The following LGALS9 variants were observed in gnomAD, a reference collection of about 807,000 sequenced individuals.
LGALS9 encodes the protein galectin-9.
LGALS9 carries 26 observed loss-of-function variants against 35.9 expected under a neutral mutation model. That is an observed-to-expected ratio of 0.72 (90% confidence interval 0.53 to 1.01). LGALS9 has a LOEUF of 1.01. Ranked by LOEUF, LGALS9 falls within the 50% of genes least tolerant of loss-of-function variation. LGALS9 has a pLI of 0.00. For synonymous variants in LGALS9, 149 were observed against 172.2 expected (o/e 0.87, Z 1.06); for missense variants, 347 against 445.8 (o/e 0.78, Z 1.99).
At chr17:27,641,113 T>C in intron 3 of LGALS9, 1 of 475,948 alleles carries the variant, frequency 2.1e-6, no homozygotes, top group Non-Finnish European at 4.1e-6. Flanking sequence ...ACATTTATTT[T>C]TCAGCGACAT....
intron 6 of LGALS9, chr17:27,645,615 G>A (rs552760930): frequency 2.2e-5 from 13 of 602,862 alleles, no homozygotes; most frequent in South Asian, 8.3e-5. Context: ...GCTGAGAGAC[G>A]TTTCCCCGAG....
Position 27,631,383 on chromosome 17 carries a change from G to A in LGALS9, c.39+79G>A, listed in dbSNP as rs572675603. On this transcript the variant is annotated intron_variant, in intron 1 of 10. Transcript: ENST00000395473. ...TGGGGCTCTGAGGAAGCAACTCCTG[G>A]GTGGCAGGGGATGGGGGTGGGGGCA... The A allele has an allele frequency of 1.5e-5, 24 of 1,595,294 alleles. 1 individual carries two copies. The highest frequency in any genetic ancestry group is 1.1e-4 in the South Asian group (10 of 90,368).
intron 1 of LGALS9, among the ~76,000 whole-genome samples, chr17:27,631,828 C>T (rs150844209): frequency 0.011 from 1,741 of 151,974 alleles, 18 homozygotes; most frequent in Non-Finnish European, 0.02. Context: ...TTGAACAGTG[C>T]CTGACACACT....
chr17:27,647,819 C>T (rs1292033191), intron 10 of LGALS9, among the ~76,000 whole-genome samples: 1 of 152,232 alleles, frequency 6.6e-6, no homozygotes. Flanking sequence ...CAGACAGGGT[C>T]CTGCCTCCAG....
chr17:27,646,904 T>C lies in LGALS9; in HGVS notation c.670-126T>C, dbSNP rs960888691. 5.6e-6 allele frequency: 8 copies of C among 1,432,892 alleles called. No homozygotes were observed. In the African/African-American group the frequency reaches 9.9e-5, roughly 18 times the overall value. The allele number at this position is 1,432,892 out of a possible 1,614,324, so 88.8% of individuals were successfully genotyped here. A position where few individuals can be genotyped will look rare whatever the true frequency, so the allele number is the denominator to read the frequency against. On this transcript the variant is annotated intron_variant, in intron 8 of 10. Transcript: ENST00000395473. ...TTTGAGGAGCACTGGAAAGTTTTCCTTTGGCTTTTATGGAACCAAGTAAAG... is the reference window on the plus strand; with the variant it reads ...TTTGAGGAGCACTGGAAAGTTTTCCCTTGGCTTTTATGGAACCAAGTAAAG...
intron 3 of LGALS9, chr17:27,641,065 C>T (rs1202276659): frequency 4.9e-6 from 3 of 615,810 alleles, no homozygotes; most frequent in African/African-American, 3.6e-5. Context: ...CATTCCATTC[C>T]TCTGCTATAG....
At chr17:27,643,300 C>G (rs965496407) in intron 4 of LGALS9, among the ~76,000 whole-genome samples, 2 of 152,096 alleles carry the variant, frequency 1.3e-5, no homozygotes, top group African/African-American at 4.8e-5. Context: ...CCCTGACTCT[C>G]TCCCCTGCGG....
At chr17:27,632,113 T>A (rs2074399076) in intron 1 of LGALS9, among the ~76,000 whole-genome samples, 1 of 151,960 alleles carries the variant, frequency 6.6e-6, no homozygotes, top group Non-Finnish European at 1.5e-5. Context: ...GCCAAATGCC[T>A]CCAGATGGGA....
intron 1 of LGALS9, among the ~76,000 whole-genome samples, chr17:27,631,919 G>A (rs1286715999): frequency 6.6e-6 from 1 of 152,072 alleles, no homozygotes; most frequent in Non-Finnish European, 1.5e-5. Context: ...TCTGTGCTCT[G>A]AAGGTTGGGC....
chr17:27,638,069 C>A (rs1272430352), intron 1 of LGALS9, among the ~76,000 whole-genome samples, 194 bp from the exon 2 acceptor site: 2 of 152,062 alleles, frequency 1.3e-5, no homozygotes, highest in Admixed American at 6.6e-5. Flanking sequence ...GTCTGAGTAA[C>A]TAATTGGATT....
chr17:27,633,354 T>A (rs1044748763), intron 1 of LGALS9, among the ~76,000 whole-genome samples: 9 of 152,158 alleles, frequency 5.9e-5, no homozygotes, highest in Admixed American at 2.0e-4. Flanking sequence ...AACAACACAT[T>A]TGTTCTTACA....
chr17:27,645,945 C>T (rs745635616), intron 7 of LGALS9, 34 bp downstream of exon 7: 2 of 1,611,438 alleles, frequency 1.2e-6, no homozygotes, highest in Non-Finnish European at 1.7e-6. Context: ...TTCACAGCTG[C>T]ACAGTGTCCT....
chr17:27,647,197 G>T (rs2151298468), intron 9 of LGALS9, 73 bp from the exon 10 acceptor site: 1 of 1,613,776 alleles, frequency 6.2e-7, no homozygotes, highest in East Asian at 2.2e-5. Context: ...GCTTCAGGAA[G>T]GCTACTGATG....
rs571665677 is a variant in LGALS9 at position 27,644,994 on chromosome 17, G to T, written c.541-320G>T. On this transcript the variant is annotated intron_variant, in intron 5 of 10. Coordinates refer to ENST00000395473, the MANE Select transcript of LGALS9 (RefSeq NM_009587.3). ...CAACAAATACCACTTCTCACCTTAT[G>T]GGTGAAATATGGCACTGGAAGTAAT... is the stretch of plus-strand genomic sequence containing the variant. 1.9e-3 allele frequency: 785 copies of T among 405,390 alleles called. 5 individuals carry two copies. The highest frequency in any genetic ancestry group is 3.3e-3 in the African/African-American group (160 of 48,292). The allele number at this position is 405,390 out of a possible 1,614,324, so 25.1% of individuals were successfully genotyped here. A position where few individuals can be genotyped will look rare whatever the true frequency, so the allele number is the denominator to read the frequency against.
At chr17:27,641,805 C>T (rs1193961099) in intron 3 of LGALS9, among the ~76,000 whole-genome samples, 2 of 151,930 alleles carry the variant, frequency 1.3e-5, no homozygotes, top group Non-Finnish European at 2.9e-5. Flanking sequence ...GAAACCCCAT[C>T]TCTACTAAAA....
At chr17:27,647,504 A>C in intron 10 of LGALS9, 72 bp downstream of exon 10, 1 of 1,586,758 alleles carries the variant, frequency 6.3e-7, no homozygotes, top group Non-Finnish European at 8.6e-7. Flanking sequence ...AGGAGGTTTG[A>C]GGTACCTTGA....
In LGALS9 at chr17:27,631,314, A is replaced by G. The variant is rs973147295; in HGVS notation, c.39+10A>G. The G allele has an allele frequency of 7.4e-6, 12 of 1,613,948 alleles. No individual in the cohort carries two copies. Among genetic ancestry groups the G allele is most frequent in the African/African-American group, 5.3e-5 (4 of 74,900 alleles). On this transcript the variant is annotated intron_variant, in intron 1 of 10. Coordinates refer to ENST00000395473, the MANE Select transcript of LGALS9 (RefSeq NM_009587.3). ...TCCCTACCTGAGTCCAGTGAGTTCC[A>G]GGGCTATGGGCACAGGGCTGCCTCA...
chr17:27,647,245 G>T (rs1905020922), intron 9 of LGALS9, 25 bp from the exon 10 acceptor site: 1 of 1,613,538 alleles, frequency 6.2e-7, no homozygotes. Context: ...GGTGGATAAA[G>T]GTTCAGGTGG....
At chr17:27,631,671 C>G in intron 1 of LGALS9, among the ~76,000 whole-genome samples, 1 of 152,144 alleles carries the variant, frequency 6.6e-6, no homozygotes, top group East Asian at 1.9e-4. Context: ...AGGGTGCTTA[C>G]TGTGAAGGTG....
Sources: gnomAD v4.1 joint callset for allele counts (sites outside exome capture counted in the v4.1 genomes callset) on GRCh38, gnomAD v4.1.1 for gene constraint, MANE v1.5 for transcripts, NCBI Gene and HGNC (gene_info 2026-07-23, HGNC 2026-07-21) for gene names.